Variants in SSH1 observed in about 807,000 individuals in gnomAD.
The protein encoded by SSH1 is slingshot protein phosphatase 1, also known as protein phosphatase Slingshot homolog 1.
Under a neutral mutation model 79.7 loss-of-function variants are expected in SSH1, and 43 were observed. The observed-to-expected ratio is 0.54, with a 90% CI of 0.42 to 0.70. The LOEUF is 0.70. SSH1 is among the 30% of genes least tolerant of loss of function. The pLI is 0.00. For missense variants in SSH1, 1,206 were observed against 1,358.8 expected (o/e 0.89, Z 1.77); for synonymous variants, 599 against 538.3 (o/e 1.11, Z -1.56).
Position 108,806,332 on chromosome 12 carries a change from C to T in SSH1, c.794G>A (p.Ser265Asn), listed in dbSNP as rs774943975. The change falls in exon 9 of 15, where the codon AGC becomes AAC. Residue 265 changes from serine (S) to asparagine (N), a missense_variant. By Grantham distance (46) the Ser-to-Asn change is conservative. Transcript: ENST00000326495. ...GGAAGTCACATTTTCTAGATCCTGG[C>T]TCATCATGATGCTTCGGAGCTTGGC... ...IKAKLRSIMM[S>N]QDLENVTSKE... is the part of the protein sequence containing the mutation. 3.1e-6 allele frequency: 5 copies of T among 1,614,148 alleles called. No individual in the cohort carries two copies. The South Asian group carries it at 4.4e-5, about 14-fold the overall frequency.
chr12:108,819,183 T>C (rs1032586742), intron 3 of SSH1, among the ~76,000 whole-genome samples: 5 of 152,232 alleles, frequency 3.3e-5, no homozygotes, highest in Non-Finnish European at 2.9e-5. Flanking sequence ...ATAATTTGAA[T>C]AGAAACCAAT....
intron 13 of SSH1, among the ~76,000 whole-genome samples, chr12:108,793,217 G>C (rs778423765): frequency 6.6e-6 from 1 of 152,122 alleles, no homozygotes; most frequent in African/African-American, 2.4e-5. Flanking sequence ...CTATATTGTA[G>C]GGAAATGAAG....
At chr12:108,835,990 T>TATATTAATATAATCGATTATATTA (rs1566012958) in intron 2 of SSH1, among the ~76,000 whole-genome samples, 5 of 22,424 alleles carry the variant, frequency 2.2e-4, no homozygotes, top group Non-Finnish European at 4.1e-4. Flanking sequence ...CGATTATAAC[T>TATATTAATATAATCGATTATATTA]ATATTAATAT....
Position 108,789,227 on chromosome 12 carries a change from C to G in SSH1, c.1911G>C (p.Gly637=), listed in dbSNP as rs79427084. ...AGGAAGGCTTCACTTTGTTAAGGATCCCAAATATAGCATCATCCTGCAAGG... is the reference window on the plus strand; with the variant it reads ...AGGAAGGCTTCACTTTGTTAAGGATGCCAAATATAGCATCATCCTGCAAGG... ...PNGMEDDAIF[G]ILNKVKPSYK... is the part of the protein sequence containing the mutation. The change falls in exon 15 of 15, where the codon GGG becomes GGC. Residue 637 remains glycine (G), a synonymous_variant. Coordinates refer to ENST00000326495, the MANE Select transcript of SSH1 (RefSeq NM_018984.4). 31,795 of 1,598,936 alleles carry G rather than the reference C, an allele frequency of 0.02. 427 individuals carry two copies. The highest frequency in any genetic ancestry group is 0.063 in the Middle Eastern group (378 of 6,038).
At chr12:108,826,643 G>A (rs940915873) in intron 2 of SSH1, among the ~76,000 whole-genome samples, 4 of 152,158 alleles carry the variant, frequency 2.6e-5, no homozygotes, top group African/African-American at 9.7e-5. Context: ...TCTCTTCTGA[G>A]CTCACTCTGG....
At chr12:108,852,755 A>G in intron 1 of SSH1, 77 bp from the exon 2 acceptor site, 2 of 1,609,630 alleles carry the variant, frequency 1.2e-6, no homozygotes, top group South Asian at 2.2e-5. Flanking sequence ...CACATTTTCT[A>G]CCCCGGTACT....
intron 2 of SSH1, among the ~76,000 whole-genome samples, chr12:108,850,571 G>C (rs574574249): frequency 2.7e-3 from 100 of 36,778 alleles, no homozygotes; most frequent in African/African-American, 0.012. Flanking sequence ...TGAGGGAGGG[G>C]AACTTGGGGA....
At chr12:108,838,581 A>C (rs2038696881) in intron 2 of SSH1, among the ~76,000 whole-genome samples, 1 of 152,208 alleles carries the variant, frequency 6.6e-6, no homozygotes, top group Non-Finnish European at 1.5e-5. Context: ...ATCCTGTCTC[A>C]GTGCTGGGGC....
chr12:108,856,714 G>A (rs2039150883), intron 1 of SSH1, among the ~76,000 whole-genome samples: 1 of 152,196 alleles, frequency 6.6e-6, no homozygotes, highest in Non-Finnish European at 1.5e-5. Flanking sequence ...CCAGATGCCT[G>A]TCTCACGCTG....
rs576353534 is a variant in SSH1 at position 108,830,688 on chromosome 12, TA to T, written c.111-7328del. On this transcript the variant is annotated intron_variant, in intron 2 of 14. Transcript: ENST00000326495. ...AAAATAATACTCTCTTTGGAAGCAG[TA>T]AAACAGATGCTAGTCTTCTACTACA... is the stretch of plus-strand genomic sequence containing the variant. Among the ~76,000 whole-genome samples, 198 of 152,180 alleles carry T rather than the reference TA, an allele frequency of 1.3e-3. 1 individual carries two copies. Among genetic ancestry groups the T allele is most frequent in the African/African-American group, 4.7e-3 (194 of 41,508 alleles).
chr12:108,839,767 A>G (rs920122497), intron 2 of SSH1, among the ~76,000 whole-genome samples: 18 of 152,226 alleles, frequency 1.2e-4, no homozygotes, highest in African/African-American at 4.3e-4. Flanking sequence ...TTTCAGAGGA[A>G]CTTGCAGGAA....
intron 5 of SSH1, 69 bp from the exon 6 acceptor site, chr12:108,811,397 A>C: frequency 2.5e-5 from 37 of 1,460,594 alleles, no homozygotes; most frequent in Non-Finnish European, 3.4e-5. Flanking sequence ...TTTCCAGCTC[A>C]CCACCTGGTC....
chr12:108,840,484 G>C (rs571981899), intron 2 of SSH1, among the ~76,000 whole-genome samples: 23 of 151,762 alleles, frequency 1.5e-4, no homozygotes, highest in African/African-American at 5.1e-4. Flanking sequence ...AGTTAGCCGA[G>C]ATCGTGCCAC....
Position 108,779,113 on chromosome 12 carries a change from T to C in SSH1, c.*8875A>G, listed in dbSNP as rs569840422. ...AGCCACCGTGCCCAAATTTGTCTTT[T>C]AGAGTCGGATGCTGGAGCATCCTCT... On this transcript the variant is annotated 3_prime_UTR_variant, in exon 15 of 15. Transcript: ENST00000326495. 6.6e-6 allele frequency: 1 copy of C among 152,220 alleles called. No individual in the cohort carries two copies. The highest frequency in any genetic ancestry group is 1.9e-4 in the East Asian group (1 of 5,174). The allele number at this position is 152,220 out of a possible 1,614,324, so 9.4% of individuals were successfully genotyped here.
At chr12:108,835,899 TAATATA>T (rs2038597102) in intron 2 of SSH1, among the ~76,000 whole-genome samples, 3 of 135,036 alleles carry the variant, frequency 2.2e-5, no homozygotes, top group African/African-American at 8.3e-5. Context: ...ATAACTATAT[TAATATA>T]ATTAATTATA....
In SSH1 at chr12:108,789,396, C is replaced by T. The variant is rs973628767; in HGVS notation, c.1894-152G>A. On this transcript the variant is annotated intron_variant, in intron 14 of 14. Coordinates refer to ENST00000326495, the MANE Select transcript of SSH1 (RefSeq NM_018984.4). ...ATTTCACTTAATACTGACAGACAGA[C>T]CTCCTGGAGCCCACTTGATCGAGAA... 5.1e-5 allele frequency: 41 copies of T among 796,610 alleles called. No individual in the cohort carries two copies. The African/African-American group carries it at 6.5e-4, about 13-fold the overall frequency. The allele number at this position is 796,610 out of a possible 1,614,324, so 49.3% of individuals were successfully genotyped here.
At position 108,783,723 on chromosome 12, in the gene SSH1, G is replaced by C. The variant is rs2036193726; in HGVS notation, c.*4265C>G. On this transcript the variant is annotated 3_prime_UTR_variant, in exon 15 of 15. Transcript: ENST00000326495. ...TGTGTCTGGATGCACATGATCACTT[G>C]ACTCGGTTTCTATACTCAAATATAC... 1 of 152,234 alleles carries C rather than the reference G, an allele frequency of 6.6e-6. No homozygotes were observed. The highest frequency in any genetic ancestry group is 2.4e-5 in the African/African-American group (1 of 41,458). The allele number at this position is 152,234 out of a possible 1,614,324, so 9.4% of individuals were successfully genotyped here.
intron 2 of SSH1, among the ~76,000 whole-genome samples, chr12:108,849,136 C>T (rs530339318): frequency 4.6e-4 from 70 of 152,264 alleles, no homozygotes; most frequent in African/African-American, 1.6e-3. Flanking sequence ...AGCCACCAAC[C>T]GGGAAAACCC....
At chr12:108,818,463 C>G in intron 3 of SSH1, 150 bp from the exon 4 acceptor site, 1 of 684,554 alleles carries the variant, frequency 1.5e-6, no homozygotes. Flanking sequence ...ACAAAAACTT[C>G]AAGTCTGAAT....
Sources: gnomAD v4.1 joint callset for allele counts (sites outside exome capture counted in the v4.1 genomes callset) on GRCh38, gnomAD v4.1.1 for gene constraint, MANE v1.5 for transcripts, NCBI Gene and HGNC (gene_info 2026-07-23, HGNC 2026-07-21) for gene names.